The following HECTD4 variants were observed in gnomAD, a reference collection of about 807,000 sequenced individuals.
HECTD4 encodes probable E3 ubiquitin-protein ligase HECTD4.
HECTD4 carries 114 observed loss-of-function variants against 471.5 expected under a neutral mutation model. That is an observed-to-expected ratio of 0.24 (90% CI 0.21 to 0.28). The LOEUF (loss-of-function observed/expected upper bound fraction) is 0.28, where lower values mean the gene tolerates loss of function less well. Ranked by LOEUF, HECTD4 falls within the 10% of genes least tolerant of loss-of-function variation. HECTD4 has a pLI of 1.00. For missense variants in HECTD4, 3,866 were observed against 5,651.5 expected, an observed-to-expected ratio of 0.68 and a Z score of 10.13; for synonymous variants, 2,012 against 2,256.0, an observed-to-expected ratio of 0.89 and a Z score of 3.07.
At chr12:112,192,839 C>A in intron 58 of HECTD4, 74 bp from the exon 59 acceptor site, 1 of 1,337,452 alleles carries the variant, frequency 7.5e-7, no homozygotes, top group South Asian at 1.4e-5. Flanking sequence ...TTTGCCTTCT[C>A]ACCAGGGGAC....
chr12:112,167,424 G>A lies in HECTD4; in HGVS notation c.12427C>T (p.Leu4143Phe). 1.2e-6 allele frequency: 2 copies of A among 1,613,842 alleles called. No homozygotes were observed. Among genetic ancestry groups the A allele is most frequent in the South Asian group, 1.1e-5 (1 of 91,084 alleles). The change falls in exon 72 of 76, where the codon CTC becomes TTC. Residue 4143 changes from leucine (L) to phenylalanine (F), a missense_variant. By Grantham distance (22) the Leu-to-Phe change is conservative (BLOSUM62 0). Around this residue, in one of 16 missense-constraint regions of HECTD4, gnomAD observed 715 missense variants for 1,087.6 expected, o/e 0.66. Transcript: ENST00000682272. Reference protein sequence around the residue: ...IRADVPLPLDLLPSFWKTLVG... With the variant: ...IRADVPLPLDFLPSFWKTLVG... ...AGCGTCTTCCAGAAGGAGGGCAGGA[G>A]GTCCAGGGGCAGCGGGACGTCTGCC...
rs780714272 is a variant in HECTD4, at chr12:112,185,371, AGGACAGGCCAGC to A, written c.9583_9594del (p.Ala3195_Ser3198del). 91 of 1,610,408 alleles carry A rather than the reference AGGACAGGCCAGC, an allele frequency of 5.7e-5. No individual in the cohort carries two copies. Among genetic ancestry groups the A allele is most frequent in the Non-Finnish European group, 7.5e-5 (88 of 1,178,734 alleles). On this transcript the variant is annotated inframe_deletion, in exon 61 of 76. Transcript: ENST00000682272. ...GGGTTCAGCTGGAGGGCGATTGAGG[AGGACAGGCCAGC>A]GGGGTGCCGCCTCTGCTCCAGGGTG...
intron 1 of HECTD4, among the ~76,000 whole-genome samples, chr12:112,334,720 G>T (rs2035913533): frequency 2.0e-5 from 3 of 148,940 alleles, no homozygotes; most frequent in Non-Finnish European, 4.4e-5. Context: ...TGAGGCAGGA[G>T]AATTGCTTGA....
intron 7 of HECTD4, among the ~76,000 whole-genome samples, chr12:112,293,543 AAATC>A (rs10675861): frequency 4.6e-5 from 7 of 151,194 alleles, no homozygotes; most frequent in Middle Eastern, 3.4e-3. Flanking sequence ...TTCCATCTCA[AAATC>A]AATCAATCAA....
At chr12:112,164,980 G>A (rs555824604) in intron 72 of HECTD4, among the ~76,000 whole-genome samples, 45 of 147,720 alleles carry the variant, frequency 3.0e-4, no homozygotes, top group African/African-American at 1.1e-3. Context: ...GGAGTGCAGT[G>A]GCGCAATCTC....
chr12:112,189,077 T>C (rs1465323401), intron 60 of HECTD4, among the ~76,000 whole-genome samples: 1 of 152,172 alleles, frequency 6.6e-6, no homozygotes. Context: ...GCTATGTTGC[T>C]CCATATCCTG....
intron 55 of HECTD4, among the ~76,000 whole-genome samples, chr12:112,199,847 G>A (rs1054064401): frequency 5.3e-5 from 8 of 151,900 alleles, no homozygotes; most frequent in African/African-American, 1.2e-4. Flanking sequence ...TTTACTCTCC[G>A]TAACTTTCTC....
At chr12:112,377,379 T>C (rs1039004794) in intron 1 of HECTD4, among the ~76,000 whole-genome samples, 5 of 152,218 alleles carry the variant, frequency 3.3e-5, no homozygotes, top group Non-Finnish European at 7.3e-5. Context: ...CTCTATGTCA[T>C]GTTACATATT....
In HECTD4 at chr12:112,239,977, A is replaced by G; in HGVS notation, c.5009T>C (p.Phe1670Ser). ...GGMVEQVQEAFGETMTSVVSL... is the reference protein window; with the variant it reads ...GGMVEQVQEASGETMTSVVSL... ...CACAACAGAGGTCATGGTCTCGCCAAAGGCTTCCTGGACCTGCTCGACCAT... is the reference window on the plus strand; with the variant it reads ...CACAACAGAGGTCATGGTCTCGCCAGAGGCTTCCTGGACCTGCTCGACCAT... The change falls in exon 33 of 76, where the codon TTT becomes TCT. Residue 1670 changes from phenylalanine (F) to serine (S), a missense_variant. Around this residue, in one of 16 missense-constraint regions of HECTD4, gnomAD observed 229 missense variants for 386.4 expected, o/e 0.59. Coordinates refer to ENST00000682272, the MANE Select transcript of HECTD4 (RefSeq NM_001388303.1). The surrounding 1 kb of genome is among the most constrained non-coding windows in gnomAD (Gnocchi z 4.9). 6.2e-7 allele frequency: 1 copy of G among 1,614,022 alleles called. No individual in the cohort carries two copies. Among genetic ancestry groups the G allele is most frequent in the Non-Finnish European group, 8.5e-7 (1 of 1,179,870 alleles).
At position 112,167,319 on chromosome 12, in the gene HECTD4, T is replaced by G. The variant is rs2031008351; in HGVS notation, c.12532A>C (p.Ser4178Arg). 6.2e-7 allele frequency: 1 copy of G among 1,609,490 alleles called. No homozygotes were observed. Among genetic ancestry groups the G allele is most frequent in the South Asian group, 1.1e-5 (1 of 90,678 alleles). ...CCAGAACTGTGCCTTGCACTCACGC[T>G]CTCAAACTTCTTGACGTAATTGTAG... ...LTYNYVKKFESINDETELEAL... is the reference protein window; with the variant it reads ...LTYNYVKKFERINDETELEAL... The change falls in exon 72 of 76, where the codon AGC becomes CGC. Residue 4178 changes from serine (S) to arginine (R), a missense_variant and splice_region_variant. This residue lies in a region of HECTD4 where 715 missense variants were observed against 1,087.6 expected (regional missense o/e 0.66). Coordinates refer to ENST00000682272, the MANE Select transcript of HECTD4 (RefSeq NM_001388303.1).
Position 112,167,914 on chromosome 12 carries a change from C to G in HECTD4, c.12212G>C (p.Gly4071Ala). 1 of 1,613,168 alleles carries G rather than the reference C, an allele frequency of 6.2e-7. No individual in the cohort carries two copies. Among genetic ancestry groups the G allele is most frequent in the Non-Finnish European group, 8.5e-7 (1 of 1,179,618 alleles). ...FTGEEVHGTS[G>A]SFRHFLWQVC... is the part of the protein sequence containing the mutation. ...CTGCCACAGGAAGTGGCGGAAAGAG[C>G]CGCCTGTAGGACAGACGAGACACAT... The change falls in exon 71 of 76, where the codon GGC (glycine) becomes GCC (alanine). Residue 4071 changes from glycine (G) to alanine (A), a missense_variant. Gly to Ala is a moderately conservative substitution (Grantham distance 60). Transcript: ENST00000682272.
intron 17 of HECTD4, among the ~76,000 whole-genome samples, chr12:112,263,188 T>G (rs1383655527): frequency 6.6e-6 from 1 of 152,224 alleles, no homozygotes; most frequent in Non-Finnish European, 1.5e-5. Flanking sequence ...TAAAAGTGCA[T>G]GTATGTCTGC....
chr12:112,335,056 A>G (rs1295654928), intron 1 of HECTD4, among the ~76,000 whole-genome samples: 1 of 152,162 alleles, frequency 6.6e-6, no homozygotes, highest in Non-Finnish European at 1.5e-5. Flanking sequence ...TTGCACATGC[A>G]TGTTTACAGC....
intron 20 of HECTD4, among the ~76,000 whole-genome samples, chr12:112,257,665 A>G (rs1195215900): frequency 6.6e-6 from 1 of 152,194 alleles, no homozygotes; most frequent in African/African-American, 2.4e-5. Context: ...ATATAACAAA[A>G]GTTCATTCCT....
chr12:112,207,116 GTGTATGTATGTATGTATGTATGTA>G (rs149725381), intron 52 of HECTD4, among the ~76,000 whole-genome samples: 1 of 147,332 alleles, frequency 6.8e-6, no homozygotes, highest in African/African-American at 2.6e-5. Flanking sequence ...ATGTGTGTGT[GTGTATGTATGTATGTATGTATGTA>G]TGTATGTATG....
At chr12:112,330,443 GC>G (rs1451449354) in intron 1 of HECTD4, among the ~76,000 whole-genome samples, 1 of 152,142 alleles carries the variant, frequency 6.6e-6, no homozygotes, top group Non-Finnish European at 1.5e-5. Context: ...CTAATATAGT[GC>G]AACATATTCA....
intron 48 of HECTD4, 30 bp from the exon 49 acceptor site, chr12:112,212,680 T>G: frequency 6.4e-7 from 1 of 1,562,062 alleles, no homozygotes; most frequent in South Asian, 1.2e-5. Context: ...GGAAAACATA[T>G]TTTCTCCCTT....
intron 1 of HECTD4, among the ~76,000 whole-genome samples, chr12:112,364,142 C>T (rs564075257): frequency 4.0e-4 from 60 of 151,856 alleles, no homozygotes; most frequent in African/African-American, 1.1e-3. Context: ...CGGTGGCTCA[C>T]GCCTGTAATC....
At chr12:112,195,335 A>G (rs1001984749) in intron 55 of HECTD4, among the ~76,000 whole-genome samples, 4 of 152,260 alleles carry the variant, frequency 2.6e-5, no homozygotes, top group South Asian at 2.1e-4. Context: ...GTATGTTCAT[A>G]GTAGCATTAT....
Sources: allele counts gnomAD v4.1 joint callset (sites outside exome capture counted in the v4.1 genomes callset), GRCh38; gene constraint gnomAD v4.1.1; regional missense constraint gnomAD v4.1.1; non-coding constraint Gnocchi (gnomAD v3.1); transcripts MANE v1.5; gene names NCBI Gene and HGNC (gene_info 2026-07-23, HGNC 2026-07-21).